Variants in MNAT1 observed in about 807,000 individuals in gnomAD.
MNAT1 encodes the protein MNAT1 component of CDK activating kinase.
MNAT1 carries 43 observed loss-of-function variants against 42.0 expected under a neutral mutation model. That is an observed-to-expected ratio of 1.02 (90% CI 0.80 to 1.32). The LOEUF is 1.32. Among genes scored for constraint, MNAT1 ranks in the 40% most tolerant of loss-of-function variants. The pLI is 0.00. For missense variants in MNAT1, 306 were observed against 350.4 expected, an observed-to-expected ratio of 0.87 and a Z score of 1.01; for synonymous variants, 118 against 120.0, an observed-to-expected ratio of 0.98 and a Z score of 0.11.
intron 7 of MNAT1, among the ~76,000 whole-genome samples, chr14:60,948,659 G>C (rs2036327171): frequency 6.6e-6 from 1 of 151,964 alleles, no homozygotes; most frequent in African/African-American, 2.4e-5. Flanking sequence ...CATTAAAAAT[G>C]GTTTATTTTT....
At chr14:60,817,920 A>AAG (rs759129127) in intron 5 of MNAT1, among the ~76,000 whole-genome samples, 3 of 151,512 alleles carry the variant, frequency 2.0e-5, no homozygotes, top group Admixed American at 1.3e-4. Flanking sequence ...GTGTGTAGGA[A>AAG]AGAGAGAGAG....
At chr14:60,775,890 A>C (rs1163803811) in intron 1 of MNAT1, among the ~76,000 whole-genome samples, 1 of 152,242 alleles carries the variant, frequency 6.6e-6, no homozygotes, top group Non-Finnish European at 1.5e-5. Context: ...AAATGACTTT[A>C]ATTAAAAATT....
At chr14:60,757,313 A>G (rs117117735) in intron 1 of MNAT1, among the ~76,000 whole-genome samples, 16 of 152,140 alleles carry the variant, frequency 1.1e-4, no homozygotes, top group Admixed American at 9.2e-4. Flanking sequence ...ATATTAATAT[A>G]TAGACTGTAT....
rs546072087 is a variant in MNAT1, at chr14:60,777,886, G to C, written c.90-18331G>C. Among the ~76,000 whole-genome samples the C allele has an allele frequency of 2.6e-5, 4 of 152,218 alleles. No homozygotes were observed. In the South Asian group the frequency reaches 8.3e-4, roughly 32 times the overall value. On this transcript the variant is annotated intron_variant, in intron 1 of 7. Transcript: ENST00000261245. Reference sequence around the variant, plus strand: ...AAAGTAGACCATAACAAGTATAATAGCCATACAAATAGCTAGATGGTTATG... The same window carrying C: ...AAAGTAGACCATAACAAGTATAATACCCATACAAATAGCTAGATGGTTATG...
At chr14:60,793,677 CT>C (rs1006915532) in intron 1 of MNAT1, among the ~76,000 whole-genome samples, 21 of 150,796 alleles carry the variant, frequency 1.4e-4, no homozygotes, top group Non-Finnish European at 1.5e-4. Context: ...CTGGCCTGTT[CT>C]TTTTTTTAAT....
intron 2 of MNAT1, 86 bp from the exon 3 acceptor site, chr14:60,798,001 G>T: frequency 1.5e-6 from 1 of 645,834 alleles, no homozygotes; most frequent in Non-Finnish European, 2.8e-6. Context: ...TATCATATAT[G>T]AATTAGGTCA....
At chr14:60,829,549 G>A (rs529298202) in intron 6 of MNAT1, among the ~76,000 whole-genome samples, 2 of 152,280 alleles carry the variant, frequency 1.3e-5, no homozygotes, top group Admixed American at 6.5e-5. Flanking sequence ...ATTTATGGCA[G>A]TGGTTGAATT....
At chr14:60,863,070 A>G (rs568108846) in intron 6 of MNAT1, among the ~76,000 whole-genome samples, 1 of 152,264 alleles carries the variant, frequency 6.6e-6, no homozygotes, top group East Asian at 1.9e-4. Context: ...TAACAACAAC[A>G]ACAACAACAA....
At chr14:60,960,171 C>T (rs1174368429) in intron 7 of MNAT1, among the ~76,000 whole-genome samples, 1 of 152,112 alleles carries the variant, frequency 6.6e-6, no homozygotes, top group Admixed American at 6.5e-5. Flanking sequence ...GTTACCTTGT[C>T]TCTGTTATTA....
chr14:60,848,571 T>A (rs2033737346), intron 6 of MNAT1, among the ~76,000 whole-genome samples: 1 of 152,190 alleles, frequency 6.6e-6, no homozygotes, highest in Non-Finnish European at 1.5e-5. Flanking sequence ...TACTTAAGCA[T>A]CTTTGTTATA....
chr14:60,775,222 A>G lies in MNAT1; in HGVS notation c.90-20995A>G, dbSNP rs1347711081. Among the ~76,000 whole-genome samples, 3 of 152,238 alleles carry G rather than the reference A, an allele frequency of 2.0e-5. No homozygotes were observed. The East Asian group carries it at 5.8e-4, about 29-fold the overall frequency. On this transcript the variant is annotated intron_variant, in intron 1 of 7. Transcript: ENST00000261245. ...AGAATAAAGTGTTCCCAGATGGAGG[A>G]AGTGGTCAGTTAATGCTGCTAAGAG... is the stretch of plus-strand genomic sequence containing the variant.
At chr14:60,865,163 G>A (rs181635089) in intron 6 of MNAT1, among the ~76,000 whole-genome samples, 3 of 152,100 alleles carry the variant, frequency 2.0e-5, no homozygotes, top group East Asian at 1.9e-4. Context: ...CTATAATGGC[G>A]TAAAGAAACT....
chr14:60,891,519 C>G (rs2034843641), intron 7 of MNAT1, among the ~76,000 whole-genome samples: 1 of 151,818 alleles, frequency 6.6e-6, no homozygotes, highest in Non-Finnish European at 1.5e-5. Context: ...TGGCATGATT[C>G]AGCTAACTGC....
intron 2 of MNAT1, among the ~76,000 whole-genome samples, chr14:60,797,472 A>G (rs1370886436): frequency 6.6e-6 from 1 of 152,154 alleles, no homozygotes; most frequent in Non-Finnish European, 1.5e-5. Flanking sequence ...GTCTTGCTTA[A>G]GCTCATTTCC....
intron 1 of MNAT1, among the ~76,000 whole-genome samples, chr14:60,742,939 T>C (rs906887899): frequency 3.3e-5 from 5 of 152,264 alleles, no homozygotes; most frequent in Non-Finnish European, 7.3e-5. Flanking sequence ...CTGTTATGAA[T>C]AATGCTGCTG....
chr14:60,807,434 A>T (rs2032407440), intron 3 of MNAT1, among the ~76,000 whole-genome samples: 1 of 152,176 alleles, frequency 6.6e-6, no homozygotes, highest in South Asian at 2.1e-4. Context: ...AAGTAATTGG[A>T]GAAGGGGTGG....
At chr14:60,832,499 G>A (rs1002189054) in intron 6 of MNAT1, among the ~76,000 whole-genome samples, 5 of 151,996 alleles carry the variant, frequency 3.3e-5, no homozygotes, top group East Asian at 1.9e-4. Flanking sequence ...GATGTGTGGC[G>A]TTATTTTTGA....
At chr14:60,796,518 A>ATTTTTTTTTTT in intron 2 of MNAT1, 149 bp downstream of exon 2, 2 of 697,892 alleles carry the variant, frequency 2.9e-6, no homozygotes, top group Non-Finnish European at 4.5e-6. Flanking sequence ...GAGTAATATT[A>ATTTTTTTTTTT]TTTATCTTTG....
chr14:60,890,672 G>A (rs1248929851), intron 7 of MNAT1, among the ~76,000 whole-genome samples: 1 of 152,222 alleles, frequency 6.6e-6, no homozygotes, highest in Non-Finnish European at 1.5e-5. Context: ...ACAAGCCGAA[G>A]AACTTGGAGT....
Sources: gnomAD v4.1 joint callset for allele counts (sites outside exome capture counted in the v4.1 genomes callset) on GRCh38, gnomAD v4.1.1 for gene constraint, MANE v1.5 for transcripts, NCBI Gene and HGNC (gene_info 2026-07-23, HGNC 2026-07-21) for gene names.